PLXDC1: variants seen among roughly 807,000 people sequenced by gnomAD.
PLXDC1 encodes the protein plexin domain-containing protein 1.
Under a neutral mutation model 61.3 loss-of-function variants are expected in PLXDC1, and 39 were observed. The observed-to-expected ratio is 0.64, with a 90% confidence interval of 0.49 to 0.83. The LOEUF (loss-of-function observed/expected upper bound fraction) is 0.83, where lower values mean the gene tolerates loss of function less well. Ranked by LOEUF, PLXDC1 falls within the 40% of genes least tolerant of loss-of-function variation. The pLI is 0.00. For synonymous variants in PLXDC1, 212 were observed against 254.5 expected, an observed-to-expected ratio of 0.83 and a Z score of 1.59; for missense variants, 596 against 666.5, an observed-to-expected ratio of 0.89 and a Z score of 1.17.
chr17:39,126,441 C>A (rs1911314145), intron 2 of PLXDC1, among the ~76,000 whole-genome samples: 1 of 152,078 alleles, frequency 6.6e-6, no homozygotes, highest in African/African-American at 2.4e-5. Flanking sequence ...GGCATATTTC[C>A]AGTTGCTTCT....
At chr17:39,124,494 G>A (rs780044949) in intron 2 of PLXDC1, among the ~76,000 whole-genome samples, 14 of 152,236 alleles carry the variant, frequency 9.2e-5, no homozygotes, top group Non-Finnish European at 1.6e-4. Flanking sequence ...TAGGGAGGCT[G>A]AGGTAGGAGG....
chr17:39,128,761 A>C (rs936947696), intron 2 of PLXDC1, among the ~76,000 whole-genome samples: 1 of 151,998 alleles, frequency 6.6e-6, no homozygotes, highest in African/African-American at 2.4e-5. Flanking sequence ...CTGTAATCCC[A>C]GCACTTTGGG....
intron 1 of PLXDC1, among the ~76,000 whole-genome samples, chr17:39,146,144 C>T (rs2045341170): frequency 6.7e-6 from 1 of 149,750 alleles, no homozygotes; most frequent in Non-Finnish European, 1.5e-5. Flanking sequence ...GATCTCAGCT[C>T]CCTGCAACCT....
chr17:39,142,503 C>A (rs1911967004), intron 1 of PLXDC1, among the ~76,000 whole-genome samples: 2 of 152,154 alleles, frequency 1.3e-5, no homozygotes, highest in Non-Finnish European at 2.9e-5. Flanking sequence ...ATCTCCTCTC[C>A]AGTTCCCTCT....
intron 2 of PLXDC1, among the ~76,000 whole-genome samples, chr17:39,117,565 C>A (rs3785745): frequency 1.5e-5 from 2 of 129,760 alleles, no homozygotes; most frequent in East Asian, 4.0e-4. Context: ...ACCCTCCCCC[C>A]AAGTCTACAA....
Position 39,065,338 on chromosome 17 carries a change from A to G in PLXDC1, c.*2502T>C, listed in dbSNP as rs1908852277. ...CCAAAAAAATAGAACCAAGCATCTC[A>G]TAGAGTTAATGATTGTCTACAGGAT... On this transcript the variant is annotated 3_prime_UTR_variant, in exon 14 of 14. Coordinates refer to ENST00000315392, the MANE Select transcript of PLXDC1 (RefSeq NM_020405.5). The G allele has an allele frequency of 6.6e-6, 1 of 151,954 alleles. No homozygotes were observed. Among genetic ancestry groups the G allele is most frequent in the Non-Finnish European group, 1.5e-5 (1 of 68,008 alleles). The allele number at this position is 151,954 out of a possible 1,614,324, so 9.4% of individuals were successfully genotyped here.
At chr17:39,075,282 C>T (rs1909282544) in intron 11 of PLXDC1, among the ~76,000 whole-genome samples, 1 of 152,204 alleles carries the variant, frequency 6.6e-6, no homozygotes, top group Non-Finnish European at 1.5e-5. Context: ...CATTGAATCC[C>T]CTGCAGCACC....
At chr17:39,152,924 C>G (rs1475265463), upstream of PLXDC1, 1 of 356,892 alleles carries the variant, frequency 2.8e-6, no homozygotes, top group East Asian at 4.2e-5. Flanking sequence ...GTCCCCTTAC[C>G]GTGGAACAAG....
chr17:39,095,809 T>A (rs1910171423), intron 7 of PLXDC1, among the ~76,000 whole-genome samples: 1 of 152,024 alleles, frequency 6.6e-6, no homozygotes, highest in Admixed American at 6.6e-5. Flanking sequence ...GGATTACAGG[T>A]GCCTGCCACC....
At chr17:39,116,707 AGGACATGTGTT>A in intron 2 of PLXDC1, among the ~76,000 whole-genome samples, 7 of 152,234 alleles carry the variant, frequency 4.6e-5, no homozygotes, top group Admixed American at 1.3e-4. Context: ...TTCAACACGG[AGGACATGTGTT>A]AGACCAAGCG....
Position 39,079,140 on chromosome 17 carries a change from A to G in PLXDC1, c.1014T>C (p.Tyr338=). 6.2e-7 allele frequency: 1 copy of G among 1,614,006 alleles called. No homozygotes were observed. Among genetic ancestry groups the G allele is most frequent in the Non-Finnish European group, 8.5e-7 (1 of 1,179,918 alleles). ...AGCCATAGTCCATCCACTCCTGGCG[A>G]TAGCGGTCAAAGCCACTGGAGCATC... The part of the protein sequence containing the change: ...LQRCSSGFDR[Y]RQEWMDYGCA... The change falls in exon 10 of 14, where the codon TAT becomes TAC. Residue 338 remains tyrosine, a synonymous_variant. Coordinates refer to ENST00000315392, the MANE Select transcript of PLXDC1 (RefSeq NM_020405.5).
chr17:39,130,061 T>C (rs1042328475), intron 2 of PLXDC1, among the ~76,000 whole-genome samples: 8 of 152,224 alleles, frequency 5.3e-5, no homozygotes, highest in African/African-American at 1.9e-4. Context: ...TGTAACTTCA[T>C]AGAAATAAAA....
At chr17:39,091,058 C>T (rs1377661643) in intron 7 of PLXDC1, among the ~76,000 whole-genome samples, 2 of 152,234 alleles carry the variant, frequency 1.3e-5, no homozygotes, top group African/African-American at 4.8e-5. Context: ...CTCCTCTCTT[C>T]TGCTGCCCCC....
At chr17:39,096,689 A>G (rs1343433685) in intron 7 of PLXDC1, among the ~76,000 whole-genome samples, 1 of 152,262 alleles carries the variant, frequency 6.6e-6, no homozygotes, top group Non-Finnish European at 1.5e-5. Context: ...GGCAGGCTAC[A>G]TTCTGGAGCT....
chr17:39,146,070 CTTTTT>C (rs71141767), intron 1 of PLXDC1, among the ~76,000 whole-genome samples: 1 of 131,206 alleles, frequency 7.6e-6, no homozygotes. Context: ...CGGCCCATTC[CTTTTT>C]TTTTTTTTTT....
chr17:39,123,045 T>G (rs539734299), intron 2 of PLXDC1, among the ~76,000 whole-genome samples: 117 of 152,258 alleles, frequency 7.7e-4, no homozygotes, highest in African/African-American at 2.6e-3. Flanking sequence ...GGAGCACAAT[T>G]CGAAAACCAT....
At chr17:39,147,616 G>T (rs542224446) in intron 1 of PLXDC1, among the ~76,000 whole-genome samples, 114 of 147,844 alleles carry the variant, frequency 7.7e-4, no homozygotes, top group African/African-American at 2.7e-3. Context: ...GAGAGGGAAG[G>T]AGTCAAAGGA....
intron 9 of PLXDC1, among the ~76,000 whole-genome samples, chr17:39,082,171 C>T (rs561296107): frequency 3.9e-5 from 6 of 152,236 alleles, no homozygotes; most frequent in South Asian, 2.1e-4. Flanking sequence ...CCTATAAAGG[C>T]GAGAACTTCT....
intron 5 of PLXDC1, 134 bp from the exon 6 acceptor site, chr17:39,107,659 A>C: frequency 1.4e-6 from 1 of 734,124 alleles, no homozygotes; most frequent in Non-Finnish European, 2.5e-6. Context: ...AAAGGTAAGG[A>C]GGCAGGAGCT....
Sources: allele counts gnomAD v4.1 joint callset (sites outside exome capture counted in the v4.1 genomes callset), GRCh38; gene constraint gnomAD v4.1.1; transcripts MANE v1.5; gene names NCBI Gene and HGNC (gene_info 2026-07-23, HGNC 2026-07-21).